Variants in FOXK1 observed in about 807,000 individuals in gnomAD.
FOXK1 encodes forkhead box protein K1.
FOXK1 carries 19 observed loss-of-function variants against 51.9 expected under a neutral mutation model. That is an observed-to-expected ratio of 0.37 (90% CI 0.26 to 0.54). The LOEUF (loss-of-function observed/expected upper bound fraction) is 0.54, where lower values mean the gene tolerates loss of function less well. Among genes scored for constraint, FOXK1 ranks in the 20% least tolerant of loss-of-function variants. The pLI, the probability that FOXK1 is intolerant of heterozygous loss-of-function variation, is 0.87. For missense variants in FOXK1, 870 were observed against 1,032.7 expected (o/e 0.84, Z 2.16); for synonymous variants, 537 against 482.6 (o/e 1.11, Z -1.48).
At chr7:4,741,623 G>A (rs1562385794) in intron 2 of FOXK1, among the ~76,000 whole-genome samples, 3 of 152,214 alleles carry the variant, frequency 2.0e-5, no homozygotes, top group Admixed American at 6.5e-5. Flanking sequence ...GAGCCACCGC[G>A]CACGGCTGAA....
intron 1 of FOXK1, among the ~76,000 whole-genome samples, chr7:4,698,482 G>A (rs898504183): frequency 6.6e-6 from 1 of 152,094 alleles, no homozygotes; most frequent in Non-Finnish European, 1.5e-5. Flanking sequence ...CATAATCACA[G>A]TCTGTTATTA....
At position 4,709,741 on chromosome 7, in the gene FOXK1, A is replaced by G. The variant is rs1036405718; in HGVS notation, c.560+26873A>G. Reference sequence around the variant, plus strand: ...GGACCCTGGAGCAGTGAAGTTCCACAGTGTCATGATAATTCTTGGCGTTGA... The same window carrying G: ...GGACCCTGGAGCAGTGAAGTTCCACGGTGTCATGATAATTCTTGGCGTTGA... On this transcript the variant is annotated intron_variant, in intron 1 of 8. Transcript: ENST00000328914. The surrounding 1 kb of genome is among the most constrained non-coding windows in gnomAD (Gnocchi z 5.6). Among the ~76,000 whole-genome samples the G allele has an allele frequency of 3.3e-5, 5 of 152,240 alleles. No individual in the cohort carries two copies. The highest frequency in any genetic ancestry group is 7.3e-5 in the Non-Finnish European group (5 of 68,032).
rs1780954223 is a variant in FOXK1 at position 4,762,795 on chromosome 7, G to A, written c.*331G>A. 3.0e-6 allele frequency: 1 copy of A among 328,164 alleles called. No individual in the cohort carries two copies. Among genetic ancestry groups the A allele is most frequent in the African/African-American group, 2.1e-5 (1 of 47,080 alleles). The allele number at this position is 328,164 out of a possible 1,614,324, so 20.3% of individuals were successfully genotyped here. Reference sequence around the variant, plus strand: ...TGGAGCTCAGCATCTTGAGGAATGTGTCAAGACAGCCCCTCCGCTCCGCGC... The same window carrying A: ...TGGAGCTCAGCATCTTGAGGAATGTATCAAGACAGCCCCTCCGCTCCGCGC... On this transcript the variant is annotated 3_prime_UTR_variant, in exon 9 of 9. Transcript: ENST00000328914. This position sits in a 1 kb window ranked among gnomAD's most constrained non-coding sequence, Gnocchi z 5.7.
rs531094307 is a variant in FOXK1, at chr7:4,694,242, G to GT, written c.560+11383dup. Reference sequence around the variant, plus strand: ...GGGATTTTTCATGAAACTTTTCTAGGTTTTTTTTTGTTTTATTTTATTTTT... The same window carrying GT: ...GGGATTTTTCATGAAACTTTTCTAGGTTTTTTTTTTGTTTTATTTTATTTTT... On this transcript the variant is annotated intron_variant, in intron 1 of 8. Coordinates refer to ENST00000328914, the MANE Select transcript of FOXK1 (RefSeq NM_001037165.2). Among the ~76,000 whole-genome samples, 53 of 151,454 alleles carry GT rather than the reference G, an allele frequency of 3.5e-4. 1 individual carries two copies. In the South Asian group the frequency reaches 8.0e-3, roughly 23 times the overall value.
intron 1 of FOXK1, among the ~76,000 whole-genome samples, chr7:4,691,051 T>A (rs1380358671): frequency 6.6e-6 from 1 of 152,200 alleles, no homozygotes; most frequent in Non-Finnish European, 1.5e-5. Flanking sequence ...GAGTTTCTAG[T>A]TTCCTGGTAA....
At chr7:4,702,037 T>C (rs753936223) in intron 1 of FOXK1, among the ~76,000 whole-genome samples, 128 of 152,282 alleles carry the variant, frequency 8.4e-4, no homozygotes, top group Non-Finnish European at 1.7e-3. Context: ...ACTGTACCAC[T>C]GCACTCCAGC....
In FOXK1 at chr7:4,729,170, C is replaced by A. The variant is rs935274382; in HGVS notation, c.561-11668C>A. Among the ~76,000 whole-genome samples, 1 of 152,224 alleles carries A rather than the reference C, an allele frequency of 6.6e-6. No homozygotes were observed. Among genetic ancestry groups the A allele is most frequent in the African/African-American group, 2.4e-5 (1 of 41,448 alleles). Reference sequence around the variant, plus strand: ...TTTTACGTCTGTTTAAGCCACACAGCATGGTGGGGAGCGGAGGTGATTTCG... The same window carrying A: ...TTTTACGTCTGTTTAAGCCACACAGAATGGTGGGGAGCGGAGGTGATTTCG... On this transcript the variant is annotated intron_variant, in intron 1 of 8. Coordinates refer to ENST00000328914, the MANE Select transcript of FOXK1 (RefSeq NM_001037165.2). The surrounding 1 kb of genome is among the most constrained non-coding windows in gnomAD (Gnocchi z 6.2).
chr7:4,688,542 C>T (rs1779849806), intron 1 of FOXK1, among the ~76,000 whole-genome samples: 1 of 152,032 alleles, frequency 6.6e-6, no homozygotes, highest in Admixed American at 6.6e-5. Context: ...ATTACAGGCG[C>T]TCGCCACGAC....
rs946267499 is a variant in FOXK1, at chr7:4,762,751, T to G, written c.*287T>G. 51 of 418,452 alleles carry G rather than the reference T, an allele frequency of 1.2e-4. No individual in the cohort carries two copies. Among genetic ancestry groups the G allele is most frequent in the African/African-American group, 9.7e-4 (48 of 49,572 alleles). 25.9% of individuals were successfully genotyped at this position (418,452 alleles called of 1,614,324 possible). A position where few individuals can be genotyped will look rare whatever the true frequency, so the allele number is the denominator to read the frequency against. On this transcript the variant is annotated 3_prime_UTR_variant, in exon 9 of 9. Transcript: ENST00000328914. The surrounding 1 kb of genome is among the most constrained non-coding windows in gnomAD (Gnocchi z 5.7). ...CACCTCCTCTCCCCAGGCCTCCCTG[T>G]CGGGCATGGGGAGGAGGTTGGAGCT...
chr7:4,686,660 T>C (rs753657747), intron 1 of FOXK1, among the ~76,000 whole-genome samples: 37 of 152,180 alleles, frequency 2.4e-4, no homozygotes, highest in Non-Finnish European at 4.4e-4. Flanking sequence ...ATTTATGATG[T>C]TTCACCAGAG....
chr7:4,716,799 A>C (rs2115044615), intron 1 of FOXK1, among the ~76,000 whole-genome samples: 1 of 152,336 alleles, frequency 6.6e-6, no homozygotes, highest in South Asian at 2.1e-4. Flanking sequence ...GGCGTCACAA[A>C]ACAGATGTCT....
chr7:4,754,191 C>T (rs1171076209), intron 2 of FOXK1, among the ~76,000 whole-genome samples: 1 of 152,242 alleles, frequency 6.6e-6, no homozygotes, highest in Admixed American at 6.5e-5. Flanking sequence ...AGGTGCTGCC[C>T]TGGGCCCTGC....
At chr7:4,698,357 C>G (rs1779979506) in intron 1 of FOXK1, among the ~76,000 whole-genome samples, 1 of 151,742 alleles carries the variant, frequency 6.6e-6, no homozygotes, top group Non-Finnish European at 1.5e-5. Context: ...AATACCACAA[C>G]ATGCATTGCC....
At chr7:4,686,618 A>G (rs1286890107) in intron 1 of FOXK1, among the ~76,000 whole-genome samples, 2 of 152,158 alleles carry the variant, frequency 1.3e-5, no homozygotes, top group Non-Finnish European at 2.9e-5. Context: ...CGTTTCTTCT[A>G]GACCATAAGC....
At chr7:4,738,530 T>C (rs1030193564) in intron 1 of FOXK1, among the ~76,000 whole-genome samples, 7 of 151,908 alleles carry the variant, frequency 4.6e-5, no homozygotes, top group Non-Finnish European at 7.4e-5. Context: ...CTGAAGAAAG[T>C]GTAAAGGACA....
rs371720461 is a variant in FOXK1, at chr7:4,696,207, CCTT to C, written c.560+13343_560+13345del. Among the ~76,000 whole-genome samples, 499 of 152,030 alleles carry C rather than the reference CCTT, an allele frequency of 3.3e-3. 4 individuals are homozygous for C. The highest frequency in any genetic ancestry group is 0.012 in the African/African-American group (480 of 41,466). On this transcript the variant is annotated intron_variant, in intron 1 of 8. Transcript: ENST00000328914. The stretch of plus-strand genomic sequence containing the variant: ...TTCCATTTGTCCCTGTCTTAACTCT[CCTT>C]CTTGAAGCCAAAGGAAAGACGCAAA...
rs186393888 is a variant in FOXK1 at position 4,713,736 on chromosome 7, C to T, written c.561-27102C>T. On this transcript the variant is annotated intron_variant, in intron 1 of 8. Transcript: ENST00000328914. ...CCGACTCCTGACCTCGTGATCTGCCCGCCTTGGCCGCTCAAAGTGTTGGGA... is the reference window on the plus strand; with the variant it reads ...CCGACTCCTGACCTCGTGATCTGCCTGCCTTGGCCGCTCAAAGTGTTGGGA... Among the ~76,000 whole-genome samples the T allele has an allele frequency of 6.8e-3, 1,038 of 152,098 alleles. 11 individuals are homozygous for T. The highest frequency in any genetic ancestry group is 0.024 in the African/African-American group (1,008 of 41,498).
At position 4,707,665 on chromosome 7, in the gene FOXK1, G is replaced by A. The variant is rs778185238; in HGVS notation, c.560+24797G>A. On this transcript the variant is annotated intron_variant, in intron 1 of 8. Transcript: ENST00000328914. This position sits in a 1 kb window ranked among gnomAD's most constrained non-coding sequence, Gnocchi z 4.1. Reference sequence around the variant, plus strand: ...GGTGCCATTCGTATCTGATTCATGCGTGTGCGACCAGTACTCCATTTCACT... The same window carrying A: ...GGTGCCATTCGTATCTGATTCATGCATGTGCGACCAGTACTCCATTTCACT... Among the ~76,000 whole-genome samples the A allele has an allele frequency of 7.9e-5, 12 of 151,156 alleles. No individual in the cohort carries two copies. The highest frequency in any genetic ancestry group is 3.9e-4 in the East Asian group (2 of 5,166).
chr7:4,751,263 C>T (rs78570293), intron 2 of FOXK1, among the ~76,000 whole-genome samples: 10,187 of 151,586 alleles, frequency 0.067, 1,048 homozygotes, highest in African/African-American at 0.23. Flanking sequence ...TCATGATCCA[C>T]CCTCCTCGGG....
Sources: allele counts gnomAD v4.1 joint callset (sites outside exome capture counted in the v4.1 genomes callset), GRCh38; gene constraint gnomAD v4.1.1; non-coding constraint Gnocchi (gnomAD v3.1); transcripts MANE v1.5; gene names NCBI Gene and HGNC (gene_info 2026-07-23, HGNC 2026-07-21).